The following TMEM178B variants were observed in gnomAD, a reference collection of about 807,000 sequenced individuals.
The protein encoded by TMEM178B is transmembrane protein 178B.
A neutral mutation model predicts 31.0 loss-of-function variants in TMEM178B; 5 were observed. The observed-to-expected ratio is 0.16, with a 90% CI of 0.08 to 0.34. The LOEUF is 0.34. TMEM178B is among the 10% of genes least tolerant of loss of function. The probability of loss-of-function intolerance (pLI) is 1.00; values close to 1 mark genes in which losing one functional copy is unlikely to be tolerated. For synonymous variants in TMEM178B, 164 were observed against 164.0 expected, an observed-to-expected ratio of 1.00 and a Z score of 0.00; for missense variants, 275 against 400.3, an observed-to-expected ratio of 0.69 and a Z score of 2.67.
the TMEM178B span, among the ~76,000 whole-genome samples, chr7:141,504,152 A>C: frequency 6.6e-5 from 10 of 152,176 alleles, no homozygotes; most frequent in Admixed American, 5.9e-4. Flanking sequence ...ATGACCTCTG[A>C]GTGTGTGAAG....
In TMEM178B at chr7:141,318,536, C is replaced by T. The variant is rs1799044644; in HGVS notation, c.496+105832C>T. On this transcript the variant is annotated intron_variant, in intron 2 of 3. Transcript: ENST00000565468. This position sits in a 1 kb window ranked among gnomAD's most constrained non-coding sequence, Gnocchi z 4.1. The stretch of plus-strand genomic sequence containing the variant: ...TCACACTAAGGTAAATACCATTTGT[C>T]ACTCAATGAGAAATAAAGATGTATT... 6.6e-6 allele frequency among the ~76,000 whole-genome samples: 1 copy of T among 152,148 alleles called. No homozygotes were observed. The highest frequency in any genetic ancestry group is 6.5e-5 in the Admixed American group (1 of 15,276).
At chr7:141,109,287 A>G (rs1795196864) in intron 1 of TMEM178B, among the ~76,000 whole-genome samples, 1 of 152,002 alleles carries the variant, frequency 6.6e-6, no homozygotes, top group South Asian at 2.1e-4. Flanking sequence ...GGAAAAGGTA[A>G]GGGGTGGTGA....
chr7:141,098,839 C>T (rs911974277), intron 1 of TMEM178B, among the ~76,000 whole-genome samples: 1 of 152,188 alleles, frequency 6.6e-6, no homozygotes, highest in African/African-American at 2.4e-5. Flanking sequence ...GCTGTATGTG[C>T]AAGTGCATAT....
intron 2 of TMEM178B, among the ~76,000 whole-genome samples, chr7:141,349,955 G>GCATC (rs60758674): frequency 0.037 from 5,495 of 150,194 alleles, 120 homozygotes; most frequent in Middle Eastern, 0.085. Flanking sequence ...ATGCATCCAT[G>GCATC]CATCCATCCA....
chr7:141,207,495 G>A (rs962816038), intron 1 of TMEM178B, among the ~76,000 whole-genome samples: 1 of 152,160 alleles, frequency 6.6e-6, no homozygotes, highest in Non-Finnish European at 1.5e-5. Flanking sequence ...ACAGGTATGA[G>A]GTGATATCCC....
chr7:141,267,168 C>T (rs1442604794), intron 2 of TMEM178B, among the ~76,000 whole-genome samples: 1 of 152,236 alleles, frequency 6.6e-6, no homozygotes, highest in African/African-American at 2.4e-5. Flanking sequence ...ATTCAGCCAA[C>T]GAGCGAAGCT....
chr7:141,408,482 A>C (rs1800925065), intron 2 of TMEM178B, among the ~76,000 whole-genome samples: 1 of 152,204 alleles, frequency 6.6e-6, no homozygotes, highest in Non-Finnish European at 1.5e-5. Context: ...TTTCATTTCT[A>C]CCAGTTTCCC....
chr7:141,473,584 C>G lies in TMEM178B; in HGVS notation c.*2798C>G, dbSNP rs1802292856. ...TCTTTGTGACAGACATTTAGCAAAGCTTACTGCATCCCTTTGAAACCTTGA... is the reference window on the plus strand; with the variant it reads ...TCTTTGTGACAGACATTTAGCAAAGGTTACTGCATCCCTTTGAAACCTTGA... On this transcript the variant is annotated 3_prime_UTR_variant, in exon 4 of 4. Transcript: ENST00000565468. 6.6e-6 allele frequency: 1 copy of G among 152,178 alleles called. No individual in the cohort carries two copies. The highest frequency in any genetic ancestry group is 2.4e-5 in the African/African-American group (1 of 41,428). 9.4% of individuals were successfully genotyped at this position (152,178 alleles called of 1,614,324 possible).
intron 2 of TMEM178B, among the ~76,000 whole-genome samples, chr7:141,307,882 C>T (rs1180428923): frequency 6.6e-6 from 1 of 152,110 alleles, no homozygotes; most frequent in African/African-American, 2.4e-5. Context: ...TAAGTTTGGT[C>T]ACATTGTTAG....
intron 2 of TMEM178B, among the ~76,000 whole-genome samples, chr7:141,428,031 G>A (rs1801352069): frequency 6.6e-6 from 1 of 152,122 alleles, no homozygotes; most frequent in Admixed American, 6.5e-5. Context: ...ACCAGAACAG[G>A]AGAGGACTCC....
In TMEM178B at chr7:141,387,738, G is replaced by A. The variant is rs1035072117; in HGVS notation, c.497-49870G>A. Among the ~76,000 whole-genome samples the A allele has an allele frequency of 5.9e-5, 9 of 152,102 alleles. No individual in the cohort carries two copies. In the South Asian group the frequency reaches 6.2e-4, roughly 11 times the overall value. ...TGCCCACCTGCCCACCTCCTGCTGC[G>A]CTTCCCTGTGGCCTGACACTTGTCT... On this transcript the variant is annotated intron_variant, in intron 2 of 3. Transcript: ENST00000565468.
At chr7:141,300,716 C>A (rs1798709374) in intron 2 of TMEM178B, among the ~76,000 whole-genome samples, 1 of 151,938 alleles carries the variant, frequency 6.6e-6, no homozygotes, top group African/African-American at 2.4e-5. Context: ...AGGTTGTTGA[C>A]CTACACAGGA....
chr7:141,266,197 C>G (rs936129826), intron 2 of TMEM178B, among the ~76,000 whole-genome samples: 3 of 152,226 alleles, frequency 2.0e-5, no homozygotes, highest in Admixed American at 6.5e-5. Flanking sequence ...AGCAGCCCCT[C>G]TTCTGGTGCA....
intron 2 of TMEM178B, among the ~76,000 whole-genome samples, chr7:141,390,298 A>G (rs911078360): frequency 6.6e-6 from 1 of 152,098 alleles, no homozygotes; most frequent in South Asian, 2.1e-4. Context: ...TTACTCTTTT[A>G]TCACAGGCAC....
At chr7:141,322,137 A>C (rs1309291292) in intron 2 of TMEM178B, among the ~76,000 whole-genome samples, 1 of 152,192 alleles carries the variant, frequency 6.6e-6, no homozygotes. Flanking sequence ...TAGAAACTCA[A>C]TAAATGTAGC....
Position 141,447,399 on chromosome 7 carries a change from A to G in TMEM178B, c.634+9654A>G, listed in dbSNP as rs555839731. On this transcript the variant is annotated intron_variant, in intron 3 of 3. Coordinates refer to ENST00000565468, the MANE Select transcript of TMEM178B (RefSeq NM_001195278.2). ...GCAAGGAGAAGGGGCCTGGGAGAGG[A>G]CTGAGCCTGTTGGGTCTGAAGAAGT... Among the ~76,000 whole-genome samples, 26 of 152,036 alleles carry G rather than the reference A, an allele frequency of 1.7e-4. No homozygotes were observed. In the South Asian group the frequency reaches 5.4e-3, roughly 32 times the overall value.
chr7:141,410,246 G>A (rs927019776), intron 2 of TMEM178B, among the ~76,000 whole-genome samples: 3 of 152,136 alleles, frequency 2.0e-5, no homozygotes, highest in Non-Finnish European at 2.9e-5. Flanking sequence ...TCTCAGCATC[G>A]CAGCTGCCAG....
At chr7:141,348,207 G>C (rs1478204877) in intron 2 of TMEM178B, among the ~76,000 whole-genome samples, 1 of 152,118 alleles carries the variant, frequency 6.6e-6, no homozygotes, top group Non-Finnish European at 1.5e-5. Flanking sequence ...TCCAAATTTC[G>C]CAGTTATTTC....
intron 2 of TMEM178B, among the ~76,000 whole-genome samples, chr7:141,418,867 A>G (rs1801148219): frequency 6.6e-6 from 1 of 151,996 alleles, no homozygotes; most frequent in Non-Finnish European, 1.5e-5. Flanking sequence ...AACTTGACAA[A>G]TTTCTCTTCT....
Sources: allele counts gnomAD v4.1 joint callset (sites outside exome capture counted in the v4.1 genomes callset), GRCh38; gene constraint gnomAD v4.1.1; non-coding constraint Gnocchi (gnomAD v3.1); transcripts MANE v1.5; gene names NCBI Gene and HGNC (gene_info 2026-07-23, HGNC 2026-07-21).